The following MYL3 variants were observed in gnomAD, a reference collection of about 807,000 sequenced individuals.
The protein encoded by MYL3 is CMLC1.
In MYL3, 11 loss-of-function variants were observed where a neutral mutation model predicts 21.3. The observed-to-expected ratio is 0.52, with a 90% CI of 0.32 to 0.85. The LOEUF (loss-of-function observed/expected upper bound fraction) is 0.85. Ranked by LOEUF, MYL3 falls within the 40% of genes least tolerant of loss-of-function variation. The pLI, the probability that MYL3 is intolerant of heterozygous loss-of-function variation, is 0.03. For synonymous variants in MYL3, 88 were observed against 91.6 expected (o/e 0.96, Z 0.22); for missense variants, 206 against 253.3 (o/e 0.81, Z 1.27).
chr3:46,871,558 G>T (rs891630975), intron 1 of MYL3, among the ~76,000 whole-genome samples: 11 of 152,082 alleles, frequency 7.2e-5, no homozygotes, highest in Non-Finnish European at 1.5e-4. Context: ...AGACAAAAGG[G>T]AAGGAGAGAT....
chr3:46,873,285 G>A (rs572949387), intron 1 of MYL3, among the ~76,000 whole-genome samples: 11 of 152,320 alleles, frequency 7.2e-5, no homozygotes, highest in African/African-American at 2.4e-4. Context: ...GCTCATGGAG[G>A]GTTCAGGGAA....
chr3:46,873,588 A>G (rs2030024456), intron 1 of MYL3, among the ~76,000 whole-genome samples: 1 of 152,138 alleles, frequency 6.6e-6, no homozygotes, highest in Non-Finnish European at 1.5e-5. Flanking sequence ...TCACCCTTCC[A>G]TCTTGAACCC....
intron 1 of MYL3, among the ~76,000 whole-genome samples, chr3:46,870,947 T>G (rs546752942): frequency 6.6e-6 from 1 of 152,292 alleles, no homozygotes; most frequent in Admixed American, 6.5e-5. Flanking sequence ...ACCACACACC[T>G]TTACCATATA....
chr3:46,870,070 G>T (rs28733663), intron 1 of MYL3, among the ~76,000 whole-genome samples: 108 of 152,126 alleles, frequency 7.1e-4, no homozygotes, highest in Non-Finnish European at 1.2e-3. Context: ...GTCAGAAACA[G>T]GGGGGAGAGA....
chr3:46,867,112 A>T (rs577134850), upstream of MYL3, among the ~76,000 whole-genome samples: 3 of 152,064 alleles, frequency 2.0e-5, no homozygotes, highest in African/African-American at 7.2e-5. Flanking sequence ...CCCACTGTGG[A>T]GACCTAGACC....
At chr3:46,863,795 A>G (rs529363376), upstream of MYL3, among the ~76,000 whole-genome samples, 3 of 152,310 alleles carry the variant, frequency 2.0e-5, no homozygotes, top group East Asian at 5.8e-4. Context: ...AGAAGGGTGG[A>G]CCAAGTACAT....
rs1046450489 is a variant in MYL3 at position 46,879,595 on chromosome 3, T to C, written c.-218+2479A>G. ...TCGTCTCTACAAAAAAAAAATTTTT[T>C]AATTACCCAGGTGTGGTAGCTCATG... On this transcript the variant is annotated intron_variant, in intron 1 of 3. Coordinates refer to the MYL3 transcript ENST00000431168. This position sits in a 1 kb window ranked among gnomAD's most constrained non-coding sequence, Gnocchi z 4.7. 3.3e-5 allele frequency among the ~76,000 whole-genome samples: 5 copies of C among 151,902 alleles called. No individual in the cohort carries two copies. The highest frequency in any genetic ancestry group is 7.4e-5 in the Non-Finnish European group (5 of 67,986).
upstream of MYL3, among the ~76,000 whole-genome samples, chr3:46,865,980 C>T: frequency 6.6e-6 from 1 of 152,088 alleles, no homozygotes. This position sits in a 1 kb window ranked among gnomAD's most constrained non-coding sequence, Gnocchi z 4.3. Context: ...CAGGCCCACC[C>T]TCAAACCTAT....
At chr3:46,864,863 T>G (rs1349578392), upstream of MYL3, among the ~76,000 whole-genome samples, 1 of 152,168 alleles carries the variant, frequency 6.6e-6, no homozygotes, top group Non-Finnish European at 1.5e-5. This position sits in a 1 kb window ranked among gnomAD's most constrained non-coding sequence, Gnocchi z 4.7. Context: ...GTGGGAGGGC[T>G]GAGGTGGCAC....
chr3:46,864,409 G>C (rs1702027562), upstream of MYL3, among the ~76,000 whole-genome samples: 1 of 152,020 alleles, frequency 6.6e-6, no homozygotes, highest in Non-Finnish European at 1.5e-5. This position sits in a 1 kb window ranked among gnomAD's most constrained non-coding sequence, Gnocchi z 4.7. Context: ...CTGGCCCAGG[G>C]ACCAGTTTCT....
At chr3:46,875,001 G>A (rs1295321736) in intron 1 of MYL3, among the ~76,000 whole-genome samples, 1 of 152,176 alleles carries the variant, frequency 6.6e-6, no homozygotes. Context: ...CAGGGCTGGG[G>A]GTGGGTTTGG....
intron 4 of MYL3, 100 bp from the exon 5 acceptor site, chr3:46,858,561 G>T: frequency 1.8e-6 from 2 of 1,121,400 alleles, no homozygotes; most frequent in African/African-American, 1.5e-5. Context: ...AACCTCTCCA[G>T]TATTCCCACA....
At chr3:46,865,883 G>A (rs912903523), upstream of MYL3, among the ~76,000 whole-genome samples, 4 of 152,194 alleles carry the variant, frequency 2.6e-5, no homozygotes, top group African/African-American at 7.2e-5. The surrounding 1 kb of genome is among the most constrained non-coding windows in gnomAD (Gnocchi z 4.3). Context: ...CCAGATGAAG[G>A]CTAGGGCCAG....
At chr3:46,867,783 C>T (rs1394240618), upstream of MYL3, among the ~76,000 whole-genome samples, 4 of 152,242 alleles carry the variant, frequency 2.6e-5, no homozygotes, top group Non-Finnish European at 4.4e-5. Flanking sequence ...CAAATGTTGC[C>T]GCGCAGCAGG....
chr3:46,867,607 G>A (rs550404468), upstream of MYL3, among the ~76,000 whole-genome samples: 22 of 152,340 alleles, frequency 1.4e-4, no homozygotes, highest in East Asian at 3.5e-3. Context: ...GGCTCCCCAC[G>A]TGCCCTTGTC....
In MYL3 at chr3:46,860,653, G is replaced by A. The variant is rs376902603; in HGVS notation, c.307+23C>T. The A allele has an allele frequency of 6.2e-7, 1 of 1,611,714 alleles. No homozygotes were observed. The highest frequency in any genetic ancestry group is 8.5e-7 in the Non-Finnish European group (1 of 1,179,996). On this transcript the variant is annotated intron_variant, in intron 3 of 6. Coordinates refer to ENST00000292327, the MANE Select transcript of MYL3 (RefSeq NM_000258.3). The surrounding 1 kb of genome is among the most constrained non-coding windows in gnomAD (Gnocchi z 4.6). ...AGTCTCCCCGGTACTAACACTATGGGGGCTCTCGGGCAGGTGCACTACCTT... is the reference window on the plus strand; with the variant it reads ...AGTCTCCCCGGTACTAACACTATGGAGGCTCTCGGGCAGGTGCACTACCTT...
chr3:46,880,054 A>G (rs143198959), intron 1 of MYL3, among the ~76,000 whole-genome samples: 103 of 152,364 alleles, frequency 6.8e-4, no homozygotes, highest in South Asian at 2.9e-3. Context: ...AAACAGAGGC[A>G]TAATAAAGCT....
rs1463954068 is a variant in MYL3, at chr3:46,861,895, C to G, written c.130-908G>C. On this transcript the variant is annotated intron_variant, in intron 1 of 6. Transcript: ENST00000292327. This position sits in a 1 kb window ranked among gnomAD's most constrained non-coding sequence, Gnocchi z 4.2. ...CCAATCTCCACAGTGCATGCCGGCA[C>G]AGAGGGACACCCTGTTCAGGGCCAC... Among the ~76,000 whole-genome samples, 2 of 152,214 alleles carry G rather than the reference C, an allele frequency of 1.3e-5. No homozygotes were observed. Among genetic ancestry groups the G allele is most frequent in the Non-Finnish European group, 2.9e-5 (2 of 68,034 alleles).
chr3:46,879,883 GC>G lies in MYL3; in HGVS notation c.-218+2190del, dbSNP rs902615346. 3.3e-5 allele frequency among the ~76,000 whole-genome samples: 5 copies of G among 151,996 alleles called. No homozygotes were observed. The highest frequency in any genetic ancestry group is 7.4e-5 in the Non-Finnish European group (5 of 68,004). On this transcript the variant is annotated intron_variant, in intron 1 of 3. Coordinates refer to the MYL3 transcript ENST00000431168. This position sits in a 1 kb window ranked among gnomAD's most constrained non-coding sequence, Gnocchi z 4.7. ...GAGAAACCCCATCTCCACTACAAATGCAAAAATTAGCCAGGCGTGGTGGTGC... is the reference window on the plus strand; with the variant it reads ...GAGAAACCCCATCTCCACTACAAATGAAAAATTAGCCAGGCGTGGTGGTGC...
Sources: gnomAD v4.1 joint callset for allele counts (sites outside exome capture counted in the v4.1 genomes callset) on GRCh38, gnomAD v4.1.1 for gene constraint, Gnocchi (gnomAD v3.1) non-coding constraint, MANE v1.5 for transcripts, NCBI Gene and HGNC (gene_info 2026-07-23, HGNC 2026-07-21) for gene names.